VWF: variants seen among roughly 807,000 people sequenced by gnomAD.
VWF encodes von Willebrand factor, also known as Factor VIII related antigen.
VWF carries 176 observed loss-of-function variants against 308.6 expected under a neutral mutation model. That is an observed-to-expected ratio of 0.57 (90% CI 0.50 to 0.65). The LOEUF is 0.65. VWF is among the 30% of genes least tolerant of loss of function. The pLI, the probability that VWF is intolerant of heterozygous loss-of-function variation, is 0.00. For missense variants in VWF, 3,146 were observed against 3,648.2 expected (o/e 0.86, Z 3.55); for synonymous variants, 1,385 against 1,443.4 (o/e 0.96, Z 0.92).
At chr12:6,097,656 G>A (rs552192241) in intron 5 of VWF, among the ~76,000 whole-genome samples, 2 of 152,104 alleles carry the variant, frequency 1.3e-5, no homozygotes, top group African/African-American at 2.4e-5. Flanking sequence ...CACCTTGATT[G>A]CAAACTTCTG....
At chr12:6,082,951 A>T (rs1274912325) in intron 6 of VWF, among the ~76,000 whole-genome samples, 1 of 152,202 alleles carries the variant, frequency 6.6e-6, no homozygotes, top group African/African-American at 2.4e-5. Context: ...ATTAGAAGAC[A>T]GGGTCATACA....
chr12:6,052,282 G>A (rs1279419225), intron 16 of VWF, among the ~76,000 whole-genome samples: 1 of 152,154 alleles, frequency 6.6e-6, no homozygotes, highest in East Asian at 1.9e-4. Context: ...GCCCAGAAAT[G>A]GGGGCCAACA....
At chr12:5,971,802 G>A in intron 43 of VWF, 93 bp from the exon 44 acceptor site, 1 of 1,123,136 alleles carries the variant, frequency 8.9e-7, no homozygotes, top group Non-Finnish European at 1.3e-6. Context: ...CCCTGGGGTT[G>A]TGCCAAGTGA....
chr12:5,971,737 G>A (rs372025633), intron 43 of VWF, 28 bp from the exon 44 acceptor site: 26 of 1,599,164 alleles, frequency 1.6e-5, no homozygotes, highest in Non-Finnish European at 2.1e-5. Flanking sequence ...ACAGAGTAAG[G>A]ACAGGCCAGC....
intron 2 of VWF, chr12:6,122,797 A>T: frequency 1.7e-6 from 1 of 583,546 alleles, no homozygotes; most frequent in Middle Eastern, 2.9e-4. Flanking sequence ...TCATTGTACC[A>T]TGGGAGGTTC....
rs2228317 is a variant in VWF, at chr12:6,046,784, C to T, written c.2220G>A (p.Met740Ile). 16,071 of 1,614,106 alleles carry T rather than the reference C, an allele frequency of 1.0e-2. 1,298 individuals carry two copies. The African/African-American group carries it at 0.18, about 18-fold the overall frequency. Reference sequence around the variant, plus strand: ...GCAGCAAGCTTCCGGGGACTCCACTCATGGTACAGTGCATGAAGCCATCCT... The same window carrying T: ...GCAGCAAGCTTCCGGGGACTCCACTTATGGTACAGTGCATGAAGCCATCCT... ...YCEDGFMHCT[M>I]SGVPGSLLPD... Residue 740 changes from methionine (M) to isoleucine (I), a missense_variant, in exon 17 of 52, where the codon ATG (methionine) becomes ATA (isoleucine). Met to Ile is a conservative substitution (Grantham distance 10). This residue lies in a region of VWF where 1,304 missense variants were observed against 1,353.0 expected (regional missense o/e 0.96). Coordinates refer to ENST00000261405, the MANE Select transcript of VWF (RefSeq NM_000552.5). This position sits in a 1 kb window ranked among gnomAD's most constrained non-coding sequence, Gnocchi z 5.0.
At chr12:6,059,316 T>C (rs1944629355) in intron 13 of VWF, among the ~76,000 whole-genome samples, 2 of 152,246 alleles carry the variant, frequency 1.3e-5, no homozygotes, top group African/African-American at 2.4e-5. Context: ...TTTACTTGTT[T>C]GCTTTGTTTA....
chr12:6,120,216 C>T (rs947940617), intron 3 of VWF, among the ~76,000 whole-genome samples: 7 of 152,168 alleles, frequency 4.6e-5, no homozygotes, highest in Admixed American at 3.9e-4. Context: ...CCAAAGACTC[C>T]CTCCTTGACC....
chr12:6,027,563 G>C (rs1256275588), intron 22 of VWF, among the ~76,000 whole-genome samples: 2 of 152,168 alleles, frequency 1.3e-5, no homozygotes, highest in African/African-American at 4.8e-5. Context: ...AAAAGGTGCT[G>C]TGACAGACAG....
In VWF at chr12:6,020,770, C is replaced by T. The variant is rs3952285; in HGVS notation, c.3675-1027G>A. ...CCTGAGCCTGGGAAGTGTCCCCCTG[C>T]GGCTTGATACCAGGTGATGCCACCA... On this transcript the variant is annotated intron_variant, in intron 27 of 51. Transcript: ENST00000261405. The surrounding 1 kb of genome is among the most constrained non-coding windows in gnomAD (Gnocchi z 4.3). Among the ~76,000 whole-genome samples the T allele has an allele frequency of 0.064, 9,680 of 152,218 alleles. 999 individuals are homozygous for T. Among genetic ancestry groups the T allele is most frequent in the African/African-American group, 0.22 (8,970 of 41,444 alleles).
At position 6,065,287 on chromosome 12, in the gene VWF, G is replaced by C; in HGVS notation, c.1157-14C>G. Reference sequence around the variant, plus strand: ...CAAGGCACTCCCCTGGAGAGACACAGAGGAAGGGAGAAGAATGGGAGGTGA... The same window carrying C: ...CAAGGCACTCCCCTGGAGAGACACACAGGAAGGGAGAAGAATGGGAGGTGA... On this transcript the variant is annotated splice_polypyrimidine_tract_variant and intron_variant, in intron 10 of 51. Transcript: ENST00000261405. 6.2e-7 allele frequency: 1 copy of C among 1,614,032 alleles called. No individual in the cohort carries two copies. The highest frequency in any genetic ancestry group is 8.5e-7 in the Non-Finnish European group (1 of 1,179,990).
chr12:6,090,648 C>CTCT (rs778273875), intron 6 of VWF, among the ~76,000 whole-genome samples: 29 of 150,580 alleles, frequency 1.9e-4, no homozygotes, highest in South Asian at 4.2e-4. Flanking sequence ...CCTCCTCCTC[C>CTCT]TCATCATCAT....
In VWF at chr12:5,969,367, C is replaced by T. The variant is rs1249655559; in HGVS notation, c.7573G>A (p.Glu2525Lys). 6.2e-7 allele frequency: 1 copy of T among 1,614,090 alleles called. No individual in the cohort carries two copies. The highest frequency in any genetic ancestry group is 1.3e-5 in the African/African-American group (1 of 74,932). The change falls in exon 45 of 52, where the codon GAG becomes AAG. Residue 2525 changes from glutamate to lysine, a missense_variant. Around this residue, in one of 3 missense-constraint regions of VWF, gnomAD observed 989 missense variants for 1,117.4 expected, o/e 0.89. Transcript: ENST00000261405. Reference protein sequence around the residue: ...KSVGSQWASPENPCLINECVR... With the variant: ...KSVGSQWASPKNPCLINECVR... Reference sequence around the variant, plus strand: ...CACTCATTGATGAGGCAGGGGTTCTCCGGGGAGGCCCACTGGGAGCCGACC... The same window carrying T: ...CACTCATTGATGAGGCAGGGGTTCTTCGGGGAGGCCCACTGGGAGCCGACC...
chr12:5,962,529 C>T (rs1943330857), intron 47 of VWF, among the ~76,000 whole-genome samples: 1 of 148,152 alleles, frequency 6.7e-6, no homozygotes, highest in African/African-American at 2.5e-5. Flanking sequence ...CATACATACA[C>T]AGGCAATTCT....
intron 5 of VWF, among the ~76,000 whole-genome samples, chr12:6,106,875 C>CAAAAA (rs201177758): frequency 2.7e-3 from 93 of 34,082 alleles, no homozygotes; most frequent in Middle Eastern, 0.013. Context: ...AACTCCGACT[C>CAAAAA]AAAAAAAAAA....
chr12:6,111,001 T>C (rs1354467431), intron 3 of VWF, 33 bp from the exon 4 acceptor site: 5 of 1,552,922 alleles, frequency 3.2e-6, no homozygotes, highest in Non-Finnish European at 4.4e-6. Context: ...GTAGTGATTA[T>C]TACTCCTCTC....
At chr12:6,123,346 T>G in intron 1 of VWF, 150 bp from the exon 2 acceptor site, 1 of 972,102 alleles carries the variant, frequency 1.0e-6, no homozygotes. Flanking sequence ...CCTTTGAACA[T>G]GGACTTCTGG....
chr12:6,019,522 A>G lies in VWF; in HGVS notation c.3896T>C (p.Phe1299Ser). ...CAGCCGCTCCATCATGTCCACCACA[A>G]AGGCCTTCAGCACTTCAAACTCAGC... ...SEAEFEVLKA[F>S]VVDMMERLRI... is the part of the protein sequence containing the mutation. Residue 1299 changes from phenylalanine to serine, a missense_variant, in exon 28 of 52, where the codon TTT (phenylalanine) becomes TCT (serine). By Grantham distance (155) the Phe-to-Ser change is radical. Transcript: ENST00000261405. The surrounding 1 kb of genome is among the most constrained non-coding windows in gnomAD (Gnocchi z 5.8). 1 of 1,613,906 alleles carries G rather than the reference A, an allele frequency of 6.2e-7. No homozygotes were observed. The highest frequency in any genetic ancestry group is 2.2e-5 in the East Asian group (1 of 44,868).
intron 18 of VWF, among the ~76,000 whole-genome samples, chr12:6,042,798 G>A (rs1167496419): frequency 1.3e-5 from 2 of 152,114 alleles, no homozygotes; most frequent in Non-Finnish European, 2.9e-5. Context: ...AATATTTAAG[G>A]CTATCTGTAT....
Sources: allele counts gnomAD v4.1 joint callset (sites outside exome capture counted in the v4.1 genomes callset), GRCh38; gene constraint gnomAD v4.1.1; regional missense constraint gnomAD v4.1.1; non-coding constraint Gnocchi (gnomAD v3.1); transcripts MANE v1.5; gene names NCBI Gene and HGNC (gene_info 2026-07-23, HGNC 2026-07-21).